Variants in CDH17 observed in about 807,000 individuals in gnomAD.
The protein encoded by CDH17 is cadherin-17.
CDH17 carries 67 observed loss-of-function variants against 86.3 expected under a neutral mutation model. The ratio of observed to expected loss-of-function variants is 0.78; its 90% CI spans 0.64 to 0.95. The LOEUF (loss-of-function observed/expected upper bound fraction) is 0.95, where lower values mean the gene tolerates loss of function less well. Among genes scored for constraint, CDH17 ranks in the 40% least tolerant of loss-of-function variants. The probability of loss-of-function intolerance (pLI) is 0.00; values close to 1 mark genes in which losing one functional copy is unlikely to be tolerated. For missense variants in CDH17, 993 were observed against 1,017.6 expected (o/e 0.98, Z 0.33); for synonymous variants, 367 against 366.4 (o/e 1.00, Z -0.02).
intron 3 of CDH17, among the ~76,000 whole-genome samples, chr8:94,183,997 C>CATTTATACCACTT (rs1813530501): frequency 6.7e-6 from 1 of 150,008 alleles, no homozygotes; most frequent in Admixed American, 6.6e-5. Context: ...TAAACCAAAA[C>CATTTATACCACTT]CACAAAGAAA....
Position 94,173,960 on chromosome 8 carries a change from T to TA in CDH17, c.619dup (p.Tyr207LeufsTer2). 1 of 1,613,828 alleles carries TA rather than the reference T, an allele frequency of 6.2e-7. No homozygotes were observed. Among genetic ancestry groups the TA allele is most frequent in the Non-Finnish European group, 8.5e-7 (1 of 1,179,844 alleles). ...GTCCTTCACTGAGATCACCAGATTA[T>TA]AGGAAGGATTCTTAGCAGGATTCAA... On this transcript the variant is annotated frameshift_variant, in exon 7 of 18. Transcript: ENST00000027335. LOFTEE classifies it high-confidence loss of function.
intron 1 of CDH17, among the ~76,000 whole-genome samples, chr8:94,195,759 AAT>A (rs918860459): frequency 7.6e-5 from 7 of 92,052 alleles, no homozygotes; most frequent in African/African-American, 3.8e-4. Flanking sequence ...CAGTCAAGGA[AAT>A]TTTTTTTTTT....
At chr8:94,199,061 ATATATATATATATATATATATAT>A (rs1563589401) in intron 1 of CDH17, among the ~76,000 whole-genome samples, 6 of 49,850 alleles carry the variant, frequency 1.2e-4, no homozygotes, top group African/African-American at 6.9e-4. Flanking sequence ...ATATATATAT[ATATATATATATATATATATATAT>A]TTTTTTTTTT....
chr8:94,148,541 CAAAAAAAAAAAAAA>C (rs59942237), intron 14 of CDH17, among the ~76,000 whole-genome samples, 189 bp downstream of exon 14: 27 of 29,202 alleles, frequency 9.2e-4, no homozygotes, highest in African/African-American at 1.3e-3. Flanking sequence ...GACTCCATCT[CAAAAAAAAAAAAAA>C]AAAAAAAAAA....
intron 2 of CDH17, among the ~76,000 whole-genome samples, chr8:94,191,420 T>C (rs561274843): frequency 6.6e-6 from 1 of 151,324 alleles, no homozygotes; most frequent in African/African-American, 2.4e-5. Context: ...GTCAAATAAG[T>C]CAAATTTCCT....
At chr8:94,143,195 A>G (rs1372083960) in intron 15 of CDH17, among the ~76,000 whole-genome samples, 1 of 152,242 alleles carries the variant, frequency 6.6e-6, no homozygotes, top group Non-Finnish European at 1.5e-5. Context: ...AGCAGGCATG[A>G]AAACAACATT....
chr8:94,193,827 AC>A (rs1367032709), intron 2 of CDH17, among the ~76,000 whole-genome samples: 17 of 152,150 alleles, frequency 1.1e-4, no homozygotes, highest in African/African-American at 4.1e-4. Context: ...TCACACTGTC[AC>A]TATGTGAGCT....
intron 3 of CDH17, 125 bp from the exon 4 acceptor site, chr8:94,177,846 T>A: frequency 3.5e-6 from 3 of 859,012 alleles, no homozygotes; most frequent in Non-Finnish European, 5.4e-6. Flanking sequence ...AATCCTCAAC[T>A]TTTAAAGTGG....
intron 15 of CDH17, among the ~76,000 whole-genome samples, chr8:94,133,543 TAAG>T (rs1586229426): frequency 6.6e-6 from 1 of 152,218 alleles, no homozygotes; most frequent in African/African-American, 2.4e-5. Context: ...CTTATCAGCT[TAAG>T]GAGATTTTGG....
At chr8:94,142,019 A>G (rs549304104) in intron 15 of CDH17, among the ~76,000 whole-genome samples, 1 of 152,352 alleles carries the variant, frequency 6.6e-6, no homozygotes, top group South Asian at 2.1e-4. Context: ...TTGATGAAAC[A>G]GAAAAATTCA....
rs758232004 is a variant in CDH17, at chr8:94,130,875, C to G, written c.2284+1G>C. 2 of 1,589,722 alleles carry G rather than the reference C, an allele frequency of 1.3e-6. No individual in the cohort carries two copies. Among genetic ancestry groups the G allele is most frequent in the Admixed American group, 3.3e-5 (2 of 59,964 alleles). On this transcript the variant is annotated splice_donor_variant, in intron 16 of 17. Coordinates refer to ENST00000027335, the MANE Select transcript of CDH17 (RefSeq NM_004063.4). LOFTEE classifies it high-confidence loss of function. The stretch of plus-strand genomic sequence containing the variant: ...TGAGTTGCCTATAGCAGAATATCTA[C>G]CTGGTAAAGAAACAATGCCTTCCAA...
At position 94,170,977 on chromosome 8, in the gene CDH17, C is replaced by T; in HGVS notation, c.792G>A (p.Trp264Ter). Residue 264 changes from tryptophan to a stop codon, truncating the protein, a stop_gained, in exon 8 of 18, where the codon TGG becomes TGA. Coordinates refer to ENST00000027335, the MANE Select transcript of CDH17 (RefSeq NM_004063.4). LOFTEE classifies it high-confidence loss of function. ...AGGAATATTGTGCACCGGGATCATTCCACCGCACCTACAGGGCCCAAAGTC... is the reference window on the plus strand; with the variant it reads ...AGGAATATTGTGCACCGGGATCATTTCACCGCACCTACAGGGCCCAAAGTC... ...PHPIKITQVRWNDPGAQYSLV... is the reference protein window; with the variant it reads ...PHPIKITQVR 1.9e-6 allele frequency: 3 copies of T among 1,613,560 alleles called. No homozygotes were observed. Among genetic ancestry groups the T allele is most frequent in the Non-Finnish European group, 2.5e-6 (3 of 1,179,712 alleles).
At chr8:94,178,955 G>C (rs1362555306) in intron 3 of CDH17, among the ~76,000 whole-genome samples, 1 of 150,478 alleles carries the variant, frequency 6.6e-6, no homozygotes, top group Non-Finnish European at 1.5e-5. Context: ...CTCCATAAAA[G>C]CAATGAGAAC....
intron 15 of CDH17, 136 bp downstream of exon 15, chr8:94,145,791 CA>C: frequency 1.0e-6 from 1 of 968,706 alleles, no homozygotes; most frequent in South Asian, 1.7e-5. Context: ...CTTCCCTGTA[CA>C]AGCTTCCAAA....
In CDH17 at chr8:94,128,338, T is replaced by C. The variant is rs1277428989; in HGVS notation, c.2401A>G (p.Ile801Val). Residue 801 changes from isoleucine to valine, a missense_variant and splice_region_variant, in exon 18 of 18, where the codon ATA becomes GTA. By Grantham distance (29) the Ile-to-Val change is conservative (BLOSUM62 3). Transcript: ENST00000027335. ...CGGATAAACACAACTGCTAAAATTA[T>C]ACCTAAAAGAAAAAACCCAGGGTCA... Reference protein sequence around the residue: ...ILLTTLLVIGIILAVVFIRIK... With the variant: ...ILLTTLLVIGVILAVVFIRIK... 1.3e-6 allele frequency: 2 copies of C among 1,598,104 alleles called. No individual in the cohort carries two copies. The highest frequency in any genetic ancestry group is 8.6e-7 in the Non-Finnish European group (1 of 1,166,896).
intron 3 of CDH17, among the ~76,000 whole-genome samples, chr8:94,178,510 A>C (rs1334987816): frequency 6.6e-6 from 1 of 152,148 alleles, no homozygotes; most frequent in Non-Finnish European, 1.5e-5. Context: ...AAACAAGTAC[A>C]TGCTTATAGT....
At chr8:94,183,061 G>T (rs1180969189) in intron 3 of CDH17, among the ~76,000 whole-genome samples, 2 of 151,926 alleles carry the variant, frequency 1.3e-5, no homozygotes, top group Non-Finnish European at 1.5e-5. Flanking sequence ...GAAATATGAA[G>T]CTTATAAAAT....
chr8:94,133,978 A>G (rs1586229734), intron 15 of CDH17, among the ~76,000 whole-genome samples: 1 of 152,282 alleles, frequency 6.6e-6, no homozygotes, highest in East Asian at 1.9e-4. Flanking sequence ...TGTATGTTGA[A>G]CCAGCCTTGC....
In CDH17 at chr8:94,173,960, T is replaced by A; in HGVS notation, c.620A>T (p.Tyr207Phe). The change falls in exon 7 of 18, where the codon TAT becomes TTT. Residue 207 changes from tyrosine (Y) to phenylalanine (F), a missense_variant. Coordinates refer to ENST00000027335, the MANE Select transcript of CDH17 (RefSeq NM_004063.4). ...GTCCTTCACTGAGATCACCAGATTA[T>A]AGGAAGGATTCTTAGCAGGATTCAA... ...QELNPAKNPSYNLVISVKDMG... is the reference protein window; with the variant it reads ...QELNPAKNPSFNLVISVKDMG... The A allele has an allele frequency of 6.2e-7, 1 of 1,613,828 alleles. No individual in the cohort carries two copies. The highest frequency in any genetic ancestry group is 2.2e-5 in the East Asian group (1 of 44,812).
Sources: gnomAD v4.1 joint callset for allele counts (sites outside exome capture counted in the v4.1 genomes callset) on GRCh38, gnomAD v4.1.1 for gene constraint, MANE v1.5 for transcripts, NCBI Gene and HGNC (gene_info 2026-07-23, HGNC 2026-07-21) for gene names.